Variants in BBX observed in about 807,000 individuals in gnomAD.
BBX encodes HMG box transcription factor BBX.
Under a neutral mutation model 100.2 loss-of-function variants are expected in BBX, and 30 were observed. That is an observed-to-expected ratio of 0.30 (90% CI 0.22 to 0.41). The LOEUF (loss-of-function observed/expected upper bound fraction) is 0.41, where lower values mean the gene tolerates loss of function less well. Among genes scored for constraint, BBX ranks in the 10% least tolerant of loss-of-function variants. The probability of loss-of-function intolerance (pLI) is 1.00; values close to 1 mark genes in which losing one functional copy is unlikely to be tolerated. For missense variants in BBX, 1,023 were observed against 1,129.8 expected (o/e 0.91, Z 1.35); for synonymous variants, 376 against 388.1 (o/e 0.97, Z 0.37).
At chr3:107,651,817 G>T (rs1380592609) in intron 3 of BBX, among the ~76,000 whole-genome samples, 1 of 151,952 alleles carries the variant, frequency 6.6e-6, no homozygotes, top group African/African-American at 2.4e-5. Context: ...TCTAAATTAG[G>T]TAATGGATGC....
chr3:107,708,187 A>G (rs2061495379), intron 3 of BBX, among the ~76,000 whole-genome samples: 1 of 152,096 alleles, frequency 6.6e-6, no homozygotes, highest in South Asian at 2.1e-4. Flanking sequence ...TCAATTCACA[A>G]GAAATCTTCT....
chr3:107,556,659 T>C (rs1024473205), intron 2 of BBX, among the ~76,000 whole-genome samples: 2 of 152,310 alleles, frequency 1.3e-5, no homozygotes, highest in Admixed American at 1.3e-4. Context: ...CCTAGCAGGT[T>C]ACCCATTATA....
intron 16 of BBX, among the ~76,000 whole-genome samples, chr3:107,800,813 C>A (rs1486514713): frequency 6.6e-6 from 1 of 152,198 alleles, no homozygotes; most frequent in Non-Finnish European, 1.5e-5. Flanking sequence ...ATTTTTCCTT[C>A]TCACTCCAAG....
intron 15 of BBX, among the ~76,000 whole-genome samples, chr3:107,796,869 TC>T (rs2069729515): frequency 6.6e-6 from 1 of 152,176 alleles, no homozygotes; most frequent in Non-Finnish European, 1.5e-5. Context: ...AGATCTGCAA[TC>T]TAAAAGGAGT....
intron 2 of BBX, among the ~76,000 whole-genome samples, chr3:107,596,301 G>A (rs1488565152): frequency 6.6e-6 from 1 of 152,178 alleles, no homozygotes; most frequent in African/African-American, 2.4e-5. Context: ...TCAGTGTTGA[G>A]AAGTGATAGG....
intron 2 of BBX, among the ~76,000 whole-genome samples, chr3:107,571,719 G>A (rs1252880575): frequency 6.6e-6 from 1 of 152,234 alleles, no homozygotes; most frequent in East Asian, 1.9e-4. Flanking sequence ...AATGTCACGC[G>A]AGTCTATGTG....
intron 2 of BBX, among the ~76,000 whole-genome samples, chr3:107,541,481 T>G (rs981934421): frequency 6.6e-6 from 1 of 152,188 alleles, no homozygotes. Flanking sequence ...CTTAAATTTA[T>G]TTGTGCATTT....
chr3:107,714,176 A>G (rs1179419465), intron 4 of BBX, among the ~76,000 whole-genome samples: 1 of 151,370 alleles, frequency 6.6e-6, no homozygotes, highest in Non-Finnish European at 1.5e-5. Context: ...GGGTTTCACC[A>G]TGTTGGTCAA....
chr3:107,569,726 A>G (rs2051201153), intron 2 of BBX, among the ~76,000 whole-genome samples: 1 of 152,248 alleles, frequency 6.6e-6, no homozygotes, highest in Admixed American at 6.5e-5. Context: ...CTGGCTGTCA[A>G]TGCCTACAAC....
At chr3:107,557,315 C>T (rs1285693151) in intron 2 of BBX, among the ~76,000 whole-genome samples, 6 of 152,100 alleles carry the variant, frequency 3.9e-5, no homozygotes, top group African/African-American at 1.2e-4. Flanking sequence ...GAAGTGTGGC[C>T]TTCATCACCA....
At chr3:107,560,919 A>T (rs1418795670) in intron 2 of BBX, among the ~76,000 whole-genome samples, 1 of 152,204 alleles carries the variant, frequency 6.6e-6, no homozygotes, top group African/African-American at 2.4e-5. Context: ...GAGAGACTGG[A>T]TCTTCCTATT....
At chr3:107,683,697 A>G (rs1478988020) in intron 3 of BBX, among the ~76,000 whole-genome samples, 4 of 152,170 alleles carry the variant, frequency 2.6e-5, no homozygotes, top group Admixed American at 6.6e-5. Flanking sequence ...ATGCGTCCCA[A>G]AAGTTAGATT....
chr3:107,726,436 A>G (rs2062941334), intron 5 of BBX, among the ~76,000 whole-genome samples: 1 of 146,322 alleles, frequency 6.8e-6, no homozygotes, highest in Non-Finnish European at 1.5e-5. Context: ...TCTATCTCTC[A>G]CGTTCTTAAC....
At chr3:107,727,721 A>G (rs1399387905) in intron 5 of BBX, among the ~76,000 whole-genome samples, 1 of 152,172 alleles carries the variant, frequency 6.6e-6, no homozygotes, top group African/African-American at 2.4e-5. Flanking sequence ...TCCTTGGTAT[A>G]AGGAAAGTAT....
At chr3:107,716,115 T>C (rs1022995909) in intron 4 of BBX, among the ~76,000 whole-genome samples, 2 of 152,198 alleles carry the variant, frequency 1.3e-5, no homozygotes, top group Admixed American at 6.5e-5. Flanking sequence ...TTATTAGTTG[T>C]AGAAAAAGGC....
intron 2 of BBX, among the ~76,000 whole-genome samples, chr3:107,638,910 GC>G (rs1434931437): frequency 6.6e-6 from 1 of 151,800 alleles, no homozygotes; most frequent in African/African-American, 2.4e-5. Context: ...GATCACCTGA[GC>G]CCAGGAGGCA....
At chr3:107,758,990 A>G (rs2065694231) in intron 10 of BBX, among the ~76,000 whole-genome samples, 1 of 152,102 alleles carries the variant, frequency 6.6e-6, no homozygotes, top group Non-Finnish European at 1.5e-5. Context: ...GTTGCTTCCA[A>G]CAAATGTCTT....
intron 3 of BBX, among the ~76,000 whole-genome samples, chr3:107,670,875 C>T (rs2058986805): frequency 6.6e-6 from 1 of 152,152 alleles, no homozygotes; most frequent in Non-Finnish European, 1.5e-5. Flanking sequence ...ACTCCCTGCA[C>T]AAGACATTCT....
In BBX at chr3:107,807,914, G is replaced by A. The variant is rs2071140965; in HGVS notation, c.*2457G>A. 6.6e-6 allele frequency: 1 copy of A among 152,118 alleles called. No homozygotes were observed. The highest frequency in any genetic ancestry group is 1.9e-4 in the East Asian group (1 of 5,186). The allele number at this position is 152,118 out of a possible 1,614,324, so 9.4% of individuals were successfully genotyped here. On this transcript the variant is annotated 3_prime_UTR_variant, in exon 18 of 18. Coordinates refer to ENST00000325805, the MANE Select transcript of BBX (RefSeq NM_001142568.3). The stretch of plus-strand genomic sequence containing the variant: ...TAATTTTTAAGCGGTTAGGCACTGA[G>A]AGTAGCAGAAATCCTGCAAAGCTTT...
Sources: gnomAD v4.1 joint callset for allele counts (sites outside exome capture counted in the v4.1 genomes callset) on GRCh38, gnomAD v4.1.1 for gene constraint, MANE v1.5 for transcripts, NCBI Gene and HGNC (gene_info 2026-07-23, HGNC 2026-07-21) for gene names.